PAQR5: variants seen among roughly 807,000 people sequenced by gnomAD.
PAQR5 encodes progestin and adipoQ receptor family member 5, also known as membrane progestin receptor gamma.
In PAQR5, 20 loss-of-function variants were observed where a neutral mutation model predicts 34.5. The ratio of observed to expected loss-of-function variants is 0.58; its 90% CI spans 0.41 to 0.84. The LOEUF is 0.84. Ranked by LOEUF, PAQR5 falls within the 40% of genes least tolerant of loss-of-function variation. PAQR5 has a pLI of 0.00. For synonymous variants in PAQR5, 131 were observed against 155.6 expected, an observed-to-expected ratio of 0.84 and a Z score of 1.18; for missense variants, 378 against 412.7, an observed-to-expected ratio of 0.92 and a Z score of 0.73.
intron 1 of PAQR5, among the ~76,000 whole-genome samples, chr15:69,336,452 C>T (rs2054517123): frequency 6.6e-6 from 1 of 152,040 alleles, no homozygotes; most frequent in African/African-American, 2.4e-5. Flanking sequence ...TTATGTAAAA[C>T]TCCTAAAATT....
rs189673672 is a variant in PAQR5, at chr15:69,339,910, A to G, written c.-116+2409A>G. Reference sequence around the variant, plus strand: ...GGACGGAGTTTTGCTCTTGTTGCCCAGGCTGGAGTGCAATGGCACAATCTT... The same window carrying G: ...GGACGGAGTTTTGCTCTTGTTGCCCGGGCTGGAGTGCAATGGCACAATCTT... On this transcript the variant is annotated intron_variant, in intron 2 of 8. Coordinates refer to ENST00000395407, the MANE Select transcript of PAQR5 (RefSeq NM_017705.4). 2.5e-3 allele frequency among the ~76,000 whole-genome samples: 386 copies of G among 152,308 alleles called. 2 individuals are homozygous for G. Among genetic ancestry groups the G allele is most frequent in the African/African-American group, 9.1e-3 (378 of 41,558 alleles).
intron 3 of PAQR5, 96 bp downstream of exon 3, chr15:69,360,227 G>C: frequency 1.1e-6 from 1 of 877,308 alleles, no homozygotes; most frequent in Non-Finnish European, 1.9e-6. Context: ...AGTCTGTTCT[G>C]TACAGGCCCA....
intron 1 of PAQR5, among the ~76,000 whole-genome samples, chr15:69,300,901 C>T (rs1414094971): frequency 4.2e-5 from 1 of 23,854 alleles, no homozygotes; most frequent in African/African-American, 9.1e-5. Flanking sequence ...TTCTTCCTTC[C>T]TTCCTTCCTT....
chr15:69,301,581 A>G (rs2053605616), intron 1 of PAQR5, among the ~76,000 whole-genome samples: 2 of 152,220 alleles, frequency 1.3e-5, no homozygotes, highest in Non-Finnish European at 2.9e-5. Context: ...TCTGGGCCTC[A>G]ATTTCCTCAT....
intron 3 of PAQR5, among the ~76,000 whole-genome samples, chr15:69,376,419 G>A (rs1356712978): frequency 6.6e-6 from 1 of 152,184 alleles, no homozygotes; most frequent in Non-Finnish European, 1.5e-5. Context: ...GTGGGAAGAC[G>A]GAGAGAATGT....
At chr15:69,356,184 C>T (rs931136099) in intron 2 of PAQR5, among the ~76,000 whole-genome samples, 1 of 152,164 alleles carries the variant, frequency 6.6e-6, no homozygotes, top group South Asian at 2.1e-4. Context: ...TGTGGAGACC[C>T]AACCTTGATT....
chr15:69,390,343 TA>T (rs1282164380), intron 6 of PAQR5, among the ~76,000 whole-genome samples: 8 of 114,538 alleles, frequency 7.0e-5, no homozygotes, highest in East Asian at 2.2e-4. Context: ...TTTATTTATT[TA>T]TTTATTTATT....
intron 2 of PAQR5, among the ~76,000 whole-genome samples, chr15:69,355,377 T>C (rs1268014303): frequency 2.5e-5 from 3 of 120,996 alleles, no homozygotes; most frequent in East Asian, 2.5e-4. Context: ...TCTTTCTTTC[T>C]TTCTTTCTTT....
At chr15:69,364,556 A>ATAT (rs1567022348) in intron 3 of PAQR5, among the ~76,000 whole-genome samples, 1 of 131,516 alleles carries the variant, frequency 7.6e-6, no homozygotes. Flanking sequence ...ATATATATAT[A>ATAT]ACGAGTTGTG....
At chr15:69,322,778 A>AGATGAG (rs2054149103) in intron 1 of PAQR5, among the ~76,000 whole-genome samples, 1 of 92,448 alleles carries the variant, frequency 1.1e-5, no homozygotes, top group East Asian at 3.6e-4. Flanking sequence ...AAGAGGGAGA[A>AGATGAG]GAAGAAGACG....
intron 3 of PAQR5, among the ~76,000 whole-genome samples, chr15:69,365,196 TC>T (rs1338769816): frequency 6.6e-6 from 1 of 151,902 alleles, no homozygotes; most frequent in Non-Finnish European, 1.5e-5. Context: ...AACCTCTGCC[TC>T]CCAGGTTCAA....
chr15:69,375,797 T>TTCA (rs1340810108), intron 3 of PAQR5, among the ~76,000 whole-genome samples: 2 of 152,198 alleles, frequency 1.3e-5, no homozygotes, highest in African/African-American at 4.8e-5. Flanking sequence ...AATTGCAGAA[T>TTCA]TCATGTGAAT....
intron 1 of PAQR5, among the ~76,000 whole-genome samples, chr15:69,303,962 C>T (rs935450634): frequency 6.6e-6 from 1 of 152,172 alleles, no homozygotes; most frequent in Non-Finnish European, 1.5e-5. Flanking sequence ...TTAGAATGCA[C>T]CTGAACCTTG....
chr15:69,340,063 T>A (rs1319049808), intron 2 of PAQR5, among the ~76,000 whole-genome samples: 2 of 151,526 alleles, frequency 1.3e-5, no homozygotes, highest in East Asian at 4.0e-4. Context: ...ATGGGGTTTC[T>A]CCATGTTGGT....
intron 1 of PAQR5, among the ~76,000 whole-genome samples, chr15:69,325,491 C>T (rs2054229319): frequency 6.6e-6 from 1 of 152,190 alleles, no homozygotes; most frequent in African/African-American, 2.4e-5. Flanking sequence ...AGAATGTGAG[C>T]TCTTAAGGGA....
chr15:69,393,595 A>G (rs1015577119), intron 6 of PAQR5, among the ~76,000 whole-genome samples: 2 of 151,920 alleles, frequency 1.3e-5, no homozygotes, highest in Non-Finnish European at 2.9e-5. Context: ...TTCCTCCCCC[A>G]GGCTCCACCC....
intron 1 of PAQR5, among the ~76,000 whole-genome samples, chr15:69,306,834 A>G (rs1349971508): frequency 6.6e-6 from 1 of 152,012 alleles, no homozygotes; most frequent in Non-Finnish European, 1.5e-5. Context: ...AGTAAACAAT[A>G]ATTTCCCATT....
chr15:69,355,292 C>CT (rs765402045), intron 2 of PAQR5, among the ~76,000 whole-genome samples: 36 of 110,472 alleles, frequency 3.3e-4, no homozygotes, highest in Admixed American at 1.5e-3. Context: ...TCTTTCTTTT[C>CT]TTTCTTTCTT....
At chr15:69,333,095 T>C (rs377483009) in intron 1 of PAQR5, among the ~76,000 whole-genome samples, 29 of 152,114 alleles carry the variant, frequency 1.9e-4, no homozygotes, top group African/African-American at 6.7e-4. Flanking sequence ...TGGGAAAAGG[T>C]TTTTTCTTCT....
Sources: gnomAD v4.1 joint callset for allele counts (sites outside exome capture counted in the v4.1 genomes callset) on GRCh38, gnomAD v4.1.1 for gene constraint, MANE v1.5 for transcripts, NCBI Gene and HGNC (gene_info 2026-07-23, HGNC 2026-07-21) for gene names.